CTNNA3: variants seen among roughly 807,000 people sequenced by gnomAD.
CTNNA3 encodes catenin alpha-3.
A neutral mutation model predicts 95.7 loss-of-function variants in CTNNA3; 76 were observed. The ratio of observed to expected loss-of-function variants is 0.79; its 90% CI spans 0.66 to 0.96. The LOEUF (loss-of-function observed/expected upper bound fraction) is 0.96. Ranked by LOEUF, CTNNA3 falls within the 40% of genes least tolerant of loss-of-function variation. The pLI is 0.00. For missense variants in CTNNA3, 1,191 were observed against 1,089.8 expected, an observed-to-expected ratio of 1.09 and a Z score of -1.31; for synonymous variants, 431 against 374.4, an observed-to-expected ratio of 1.15 and a Z score of -1.74.
At chr10:66,775,629 T>C (rs2132822518) in intron 7 of CTNNA3, 105 bp from the exon 8 acceptor site, 2 of 778,474 alleles carry the variant, frequency 2.6e-6, no homozygotes, top group South Asian at 1.7e-5. Flanking sequence ...AATTCAAGAA[T>C]AGGTTTCAAA....
At chr10:66,283,670 A>G (rs1225322824) in intron 12 of CTNNA3, among the ~76,000 whole-genome samples, 1 of 151,904 alleles carries the variant, frequency 6.6e-6, no homozygotes, top group East Asian at 1.9e-4. Context: ...TCTGAAGTAC[A>G]GATGGAAACT....
At chr10:67,521,136 A>C (rs756643306) in intron 5 of CTNNA3, among the ~76,000 whole-genome samples, 3 of 152,212 alleles carry the variant, frequency 2.0e-5, no homozygotes, top group Non-Finnish European at 4.4e-5. Context: ...AGTGGCTGTG[A>C]AGAAACTGGA....
intron 7 of CTNNA3, among the ~76,000 whole-genome samples, chr10:67,109,261 G>A (rs772406983): frequency 5.3e-5 from 8 of 152,012 alleles, no homozygotes; most frequent in Non-Finnish European, 1.0e-4. Flanking sequence ...TAAAAAGTAG[G>A]GAAAAAATTA....
intron 3 of CTNNA3, among the ~76,000 whole-genome samples, chr10:67,581,244 G>T (rs534496927): frequency 6.6e-6 from 1 of 152,086 alleles, no homozygotes; most frequent in Non-Finnish European, 1.5e-5. Context: ...TCAACACCTA[G>T]TTTATTGAGA....
At chr10:66,563,495 A>C (rs1280174957) in intron 10 of CTNNA3, among the ~76,000 whole-genome samples, 3 of 152,134 alleles carry the variant, frequency 2.0e-5, no homozygotes, top group Non-Finnish European at 4.4e-5. Context: ...GATTTTTTAA[A>C]GATATAATTA....
intron 9 of CTNNA3, among the ~76,000 whole-genome samples, chr10:66,631,762 A>C (rs1001136727): frequency 6.6e-6 from 1 of 152,110 alleles, no homozygotes; most frequent in African/African-American, 2.4e-5. Flanking sequence ...AAATGAATAA[A>C]AAAAAGCAAT....
intron 5 of CTNNA3, among the ~76,000 whole-genome samples, chr10:67,495,060 G>T (rs1275914221): frequency 2.0e-5 from 3 of 152,146 alleles, no homozygotes; most frequent in Non-Finnish European, 4.4e-5. Flanking sequence ...TGGGCATTCT[G>T]TATTATTTTA....
chr10:67,228,621 A>T (rs1253786743), intron 5 of CTNNA3, among the ~76,000 whole-genome samples: 1 of 152,080 alleles, frequency 6.6e-6, no homozygotes, highest in East Asian at 1.9e-4. Context: ...CTCAAAAAAA[A>T]AATAGAAAGA....
chr10:67,294,768 C>T lies in CTNNA3; in HGVS notation c.580-74898G>A, dbSNP rs116460763. ...TCAAATTAAAACAGCTGTTAATATC[C>T]TTTACCAACCATTATTTTGTTATAC... On this transcript the variant is annotated intron_variant, in intron 5 of 17. Coordinates refer to ENST00000433211, the MANE Select transcript of CTNNA3 (RefSeq NM_013266.4). Among the ~76,000 whole-genome samples the T allele has an allele frequency of 4.5e-3, 683 of 152,222 alleles. 5 individuals are homozygous for T. The highest frequency in any genetic ancestry group is 0.015 in the African/African-American group (612 of 41,538).
chr10:66,583,377 C>T (rs371782675), intron 10 of CTNNA3, among the ~76,000 whole-genome samples: 2 of 151,590 alleles, frequency 1.3e-5, no homozygotes, highest in African/African-American at 4.8e-5. Context: ...TTGGCCTCTT[C>T]AGGATTTCTA....
chr10:67,006,693 A>G (rs1852012013), intron 7 of CTNNA3, among the ~76,000 whole-genome samples: 2 of 152,232 alleles, frequency 1.3e-5, no homozygotes, highest in South Asian at 4.1e-4. Flanking sequence ...ACACTATAAG[A>G]TGTAAACATT....
intron 13 of CTNNA3, among the ~76,000 whole-genome samples, chr10:66,269,648 A>T (rs1356619505): frequency 6.6e-6 from 1 of 152,176 alleles, no homozygotes; most frequent in Non-Finnish European, 1.5e-5. Flanking sequence ...TAATTTTGTG[A>T]CTTTTTAGAG....
intron 7 of CTNNA3, among the ~76,000 whole-genome samples, chr10:67,176,701 T>C (rs1862257896): frequency 6.6e-6 from 1 of 152,214 alleles, no homozygotes; most frequent in African/African-American, 2.4e-5. Flanking sequence ...CTGGATAATC[T>C]GGGTGGCTCC....
chr10:66,337,764 A>G (rs1341127457), intron 12 of CTNNA3, among the ~76,000 whole-genome samples: 1 of 152,156 alleles, frequency 6.6e-6, no homozygotes, highest in Non-Finnish European at 1.5e-5. Context: ...ATGAACAAGA[A>G]TGTAAAGAAA....
chr10:67,498,067 G>A (rs2133094955), intron 5 of CTNNA3, among the ~76,000 whole-genome samples: 1 of 152,240 alleles, frequency 6.6e-6, no homozygotes, highest in South Asian at 2.1e-4. Flanking sequence ...TATGGTTTTA[G>A]GTCTAACACT....
At chr10:67,556,689 T>C (rs1397905816) in intron 3 of CTNNA3, among the ~76,000 whole-genome samples, 1 of 152,202 alleles carries the variant, frequency 6.6e-6, no homozygotes, top group Non-Finnish European at 1.5e-5. Context: ...ATTTTGTTGA[T>C]CTTTTCAAAA....
intron 13 of CTNNA3, among the ~76,000 whole-genome samples, chr10:66,193,132 A>G (rs768233185): frequency 1.3e-5 from 2 of 152,186 alleles, no homozygotes; most frequent in African/African-American, 2.4e-5. Context: ...GAAAAGAGGG[A>G]CTGAGAATAA....
intron 5 of CTNNA3, among the ~76,000 whole-genome samples, chr10:67,253,665 G>A (rs929579865): frequency 6.6e-6 from 1 of 152,182 alleles, no homozygotes; most frequent in Non-Finnish European, 1.5e-5. Flanking sequence ...GAGTCAGGAG[G>A]TAACCGGCAA....
chr10:67,280,484 G>A (rs1432662639), intron 5 of CTNNA3, among the ~76,000 whole-genome samples: 1 of 151,942 alleles, frequency 6.6e-6, no homozygotes, highest in Admixed American at 6.6e-5. Flanking sequence ...AAGGTAAGGA[G>A]AGCAGAGTTC....
Sources: allele counts gnomAD v4.1 joint callset (sites outside exome capture counted in the v4.1 genomes callset), GRCh38; gene constraint gnomAD v4.1.1; transcripts MANE v1.5; gene names NCBI Gene and HGNC (gene_info 2026-07-23, HGNC 2026-07-21).